SLC26A5: variants seen among roughly 807,000 people sequenced by gnomAD.
SLC26A5 encodes the protein prestin.
A neutral mutation model predicts 81.0 loss-of-function variants in SLC26A5; 51 were observed. That is an observed-to-expected ratio of 0.63 (90% CI 0.50 to 0.80). SLC26A5 has a LOEUF of 0.80. Among genes scored for constraint, SLC26A5 ranks in the 30% least tolerant of loss-of-function variants. SLC26A5 has a pLI of 0.00. For missense variants in SLC26A5, 771 were observed against 905.8 expected, an observed-to-expected ratio of 0.85 and a Z score of 1.91; for synonymous variants, 325 against 332.8, an observed-to-expected ratio of 0.98 and a Z score of 0.25.
intron 9 of SLC26A5, among the ~76,000 whole-genome samples, chr7:103,396,814 G>C (rs80028937): frequency 0.026 from 3,998 of 152,326 alleles, 168 homozygotes; most frequent in African/African-American, 0.092. Context: ...ATTAAGATTT[G>C]CTGGGCGTGG....
At chr7:103,368,012 T>C (rs747754943) in intron 19 of SLC26A5, 4 of 1,613,992 alleles carry the variant, frequency 2.5e-6, no homozygotes, top group African/African-American at 1.3e-5. Context: ...TTAAGTCTTA[T>C]GCCAAATTCA....
chr7:103,416,944 C>T (rs1278549961), intron 4 of SLC26A5, among the ~76,000 whole-genome samples: 4 of 152,144 alleles, frequency 2.6e-5, no homozygotes, highest in Non-Finnish European at 4.4e-5. Flanking sequence ...ATCTTTGCTA[C>T]ATTTTGTTTT....
At chr7:103,354,882 C>T (rs1356816419) in intron 19 of SLC26A5, 2 of 1,612,556 alleles carry the variant, frequency 1.2e-6, no homozygotes, top group South Asian at 1.1e-5. Flanking sequence ...AGAGCACTTA[C>T]TCTAGGCAGA....
intron 7 of SLC26A5, among the ~76,000 whole-genome samples, chr7:103,408,988 T>C (rs759383561): frequency 1.3e-5 from 2 of 152,220 alleles, no homozygotes; most frequent in Admixed American, 6.5e-5. Flanking sequence ...ATAGCTATTA[T>C]GGGAAACTAA....
At chr7:103,438,728 A>G (rs544364585) in intron 2 of SLC26A5, among the ~76,000 whole-genome samples, 44 of 152,258 alleles carry the variant, frequency 2.9e-4, no homozygotes, top group African/African-American at 1.0e-3. Context: ...TGCATTTCAG[A>G]CTACTAGAAA....
At chr7:103,389,550 T>C (rs889597056) in intron 12 of SLC26A5, 126 bp from the exon 13 acceptor site, 29 of 739,226 alleles carry the variant, frequency 3.9e-5, no homozygotes, top group Admixed American at 1.2e-4. Flanking sequence ...ATGGCACCGA[T>C]GGTAGCTTTG....
chr7:103,400,516 T>G (rs1242131300), intron 8 of SLC26A5, among the ~76,000 whole-genome samples: 3 of 152,238 alleles, frequency 2.0e-5, no homozygotes, highest in Non-Finnish European at 2.9e-5. Flanking sequence ...ATTCTGTAGG[T>G]TGCCTGTTCA....
At chr7:103,363,247 G>C in intron 19 of SLC26A5, 7 of 919,352 alleles carry the variant, frequency 7.6e-6, no homozygotes, top group Non-Finnish European at 1.0e-5. Flanking sequence ...TCTCACTTGT[G>C]AGTTTTTCTT....
At chr7:103,387,023 A>G (rs1444102724) in intron 14 of SLC26A5, among the ~76,000 whole-genome samples, 1 of 152,154 alleles carries the variant, frequency 6.6e-6, no homozygotes, top group Non-Finnish European at 1.5e-5. Context: ...CAGTCTTCCA[A>G]TTCCTGGCAT....
intron 2 of SLC26A5, among the ~76,000 whole-genome samples, chr7:103,441,948 T>A (rs977944443): frequency 6.6e-6 from 1 of 152,222 alleles, no homozygotes; most frequent in Non-Finnish European, 1.5e-5. Context: ...GGCCAGGCTA[T>A]GTTTAACAGG....
In SLC26A5 at chr7:103,367,403, G is replaced by C; in HGVS notation, c.2041+9405C>G. 6 of 1,612,890 alleles carry C rather than the reference G, an allele frequency of 3.7e-6. No individual in the cohort carries two copies. Among genetic ancestry groups the C allele is most frequent in the Non-Finnish European group, 4.2e-6 (5 of 1,179,774 alleles). ...ACTTGAAGAGCTTATCTTTCCTTTT[G>C]TCTTCTCAGGGGCTCGTTTTGATGA... is the stretch of plus-strand genomic sequence containing the variant. On this transcript the variant is annotated intron_variant, in intron 19 of 19. Coordinates refer to the SLC26A5 transcript ENST00000339444. The surrounding 1 kb of genome is among the most constrained non-coding windows in gnomAD (Gnocchi z 6.1).
chr7:103,443,921 T>A (rs749357433), intron 1 of SLC26A5, among the ~76,000 whole-genome samples: 7 of 152,204 alleles, frequency 4.6e-5, no homozygotes, highest in African/African-American at 7.2e-5. Context: ...TGAGCTTTTT[T>A]ATTTTTTTTC....
At chr7:103,420,289 CTTTTTTTTTTTTT>C (rs35755959) in intron 4 of SLC26A5, among the ~76,000 whole-genome samples, 1 of 90,580 alleles carries the variant, frequency 1.1e-5, no homozygotes, top group Admixed American at 1.3e-4. Context: ...ATCCCTGGAG[CTTTTTTTTTTTTT>C]TTTTTTTTTT....
intron 19 of SLC26A5, chr7:103,368,907 A>G (rs1820866589): frequency 9.0e-6 from 1 of 111,272 alleles, no homozygotes; most frequent in Admixed American, 1.1e-4. Flanking sequence ...TTAAAAATAA[A>G]GGTTATATTA....
At chr7:103,371,515 C>T (rs1206554281), downstream of SLC26A5, among the ~76,000 whole-genome samples, 313 of 150,060 alleles carry the variant, frequency 2.1e-3, 4 homozygotes, top group Admixed American at 0.019. Context: ...TTAGCAGAGA[C>T]GGGGTTTCAC....
intron 2 of SLC26A5, among the ~76,000 whole-genome samples, chr7:103,427,571 T>C (rs1825790179): frequency 6.6e-6 from 1 of 152,194 alleles, no homozygotes; most frequent in Admixed American, 6.5e-5. Flanking sequence ...GATAAATATT[T>C]ATAAATAAAA....
In SLC26A5 at chr7:103,420,714, GGAAA is replaced by G; in HGVS notation, c.292+20_292+23del. On this transcript the variant is annotated intron_variant, in intron 4 of 19. Coordinates refer to ENST00000306312, the MANE Select transcript of SLC26A5 (RefSeq NM_198999.3). ...GCAATTGTTTGAGGACAGCAAGGGG[GGAAA>G]GAAAGAAAGATCTACTGACCTTGAG... 6.2e-7 allele frequency: 1 copy of G among 1,613,480 alleles called. No individual in the cohort carries two copies. Among genetic ancestry groups the G allele is most frequent in the Non-Finnish European group, 8.5e-7 (1 of 1,179,854 alleles).
At chr7:103,355,005 CAA>C in intron 19 of SLC26A5, 2 of 1,152,874 alleles carry the variant, frequency 1.7e-6, no homozygotes, top group South Asian at 1.3e-5. Context: ...TGAATAATAT[CAA>C]GAGTTTAAAT....
At chr7:103,365,757 G>A (rs763217309) in intron 19 of SLC26A5, among the ~76,000 whole-genome samples, 16 of 151,876 alleles carry the variant, frequency 1.1e-4, no homozygotes, top group Non-Finnish European at 1.9e-4. Context: ...CTGAAACCCC[G>A]TCTCTACTAA....
Sources: gnomAD v4.1 joint callset for allele counts (sites outside exome capture counted in the v4.1 genomes callset) on GRCh38, gnomAD v4.1.1 for gene constraint, Gnocchi (gnomAD v3.1) non-coding constraint, MANE v1.5 for transcripts, NCBI Gene and HGNC (gene_info 2026-07-23, HGNC 2026-07-21) for gene names.